UNC13A: variants seen among roughly 807,000 people sequenced by gnomAD.
UNC13A encodes protein unc-13 homolog A.
Under a neutral mutation model 219.7 loss-of-function variants are expected in UNC13A, and 61 were observed. The ratio of observed to expected loss-of-function variants is 0.28; its 90% CI spans 0.23 to 0.34. The LOEUF is 0.34. UNC13A is among the 10% of genes least tolerant of loss of function. UNC13A has a pLI of 1.00. For synonymous variants in UNC13A, 920 were observed against 884.6 expected (o/e 1.04, Z -0.71); for missense variants, 1,476 against 2,270.3 (o/e 0.65, Z 7.11).
chr19:17,606,377 T>A (rs1205725918), intron 43 of UNC13A, 23 bp from the exon 44 acceptor site: 4 of 1,537,690 alleles, frequency 2.6e-6, no homozygotes, highest in East Asian at 2.4e-5. Flanking sequence ...GGGCGGAACG[T>A]GAGACAGGCC....
At chr19:17,681,453 A>G (rs1260517309) in intron 1 of UNC13A, among the ~76,000 whole-genome samples, 4 of 152,140 alleles carry the variant, frequency 2.6e-5, no homozygotes, top group Admixed American at 2.0e-4. Context: ...TTAGGATAAA[A>G]GACCTCAGCT....
At chr19:17,628,196 C>T (rs1461944340) in intron 31 of UNC13A, 7 of 535,952 alleles carry the variant, frequency 1.3e-5, no homozygotes, top group Admixed American at 3.2e-5. Flanking sequence ...GTGGGGGGTC[C>T]ATGAGAGGGG....
intron 43 of UNC13A, 96 bp from the exon 44 acceptor site, chr19:17,606,450 C>A (rs1403976496): frequency 1.4e-6 from 2 of 1,453,368 alleles, no homozygotes; most frequent in East Asian, 2.6e-5. Context: ...CACGCCCACA[C>A]CGGGGTGCCC....
intron 28 of UNC13A, among the ~76,000 whole-genome samples, chr19:17,631,807 C>T (rs547786580): frequency 1.2e-4 from 19 of 152,306 alleles, no homozygotes; most frequent in Admixed American, 5.2e-4. Flanking sequence ...TGCAGTGACA[C>T]GATTTCCGCT....
At chr19:17,677,808 C>G (rs992570684) in intron 1 of UNC13A, among the ~76,000 whole-genome samples, 3 of 152,214 alleles carry the variant, frequency 2.0e-5, no homozygotes, top group African/African-American at 7.2e-5. Flanking sequence ...TCCATCCCAG[C>G]CCTTCATCTC....
chr19:17,630,544 C>T, intron 29 of UNC13A, 110 bp downstream of exon 29: 1 of 1,273,862 alleles, frequency 7.9e-7, no homozygotes, highest in Non-Finnish European at 1.1e-6. Flanking sequence ...ATGAGCAAGA[C>T]AAAGATGGCG....
At chr19:17,606,475 C>G in intron 43 of UNC13A, 121 bp from the exon 44 acceptor site, 1 of 1,319,512 alleles carries the variant, frequency 7.6e-7, no homozygotes, top group Non-Finnish European at 1.0e-6. Context: ...CTGTCACCTC[C>G]CACGCTACGC....
chr19:17,626,380 C>A, intron 34 of UNC13A: 1 of 452,534 alleles, frequency 2.2e-6, no homozygotes, highest in Non-Finnish European at 3.9e-6. Flanking sequence ...ATGCGTCCAC[C>A]CACCTACCCA....
intron 35 of UNC13A, among the ~76,000 whole-genome samples, chr19:17,624,188 G>A (rs1248779254): frequency 1.3e-5 from 2 of 149,434 alleles, no homozygotes; most frequent in African/African-American, 2.5e-5. Flanking sequence ...GTGCAGTGGC[G>A]CCATCTCAGC....
rs534905592 is a variant in UNC13A, at chr19:17,686,537, G to A, written c.22+1641C>T. 9.2e-5 allele frequency among the ~76,000 whole-genome samples: 14 copies of A among 152,058 alleles called. 1 individual carries two copies. The East Asian group carries it at 2.7e-3, about 30-fold the overall frequency. On this transcript the variant is annotated intron_variant, in intron 1 of 43. Coordinates refer to ENST00000519716, the MANE Select transcript of UNC13A (RefSeq NM_001080421.3). ...AAGTTCTCCTCCCATTCCGTCCTCA[G>A]GCCTAGGCGGTGGGGGTCGCCTAGG...
chr19:17,682,375 C>G (rs369025319), intron 1 of UNC13A, among the ~76,000 whole-genome samples: 218 of 152,310 alleles, frequency 1.4e-3, no homozygotes, highest in African/African-American at 4.9e-3. Context: ...GTGGATGCTA[C>G]TCCTGTGCCC....
chr19:17,650,378 G>A (rs747575894), intron 12 of UNC13A, among the ~76,000 whole-genome samples: 7 of 151,938 alleles, frequency 4.6e-5, no homozygotes, highest in Non-Finnish European at 8.8e-5. Flanking sequence ...GCCAGGCATG[G>A]TAGTGCATGC....
rs780762628 is a variant in UNC13A at position 17,641,485 on chromosome 19, A to G, written c.2544T>C (p.Asp848=). The G allele has an allele frequency of 3.1e-6, 5 of 1,613,980 alleles. No individual in the cohort carries two copies. In the African/African-American group the frequency reaches 4.0e-5, roughly 13 times the overall value. Residue 848 remains aspartate (D), a synonymous_variant, in exon 21 of 44, where the codon GAT becomes GAC. Transcript: ENST00000519716. ...VVKIPDAKGD[D]AWKVYYDETA... The stretch of plus-strand genomic sequence containing the variant: ...TCTCATCGTAGTAAACCTTCCAGGC[A>G]TCGTCACCCTTGGCATCTGGGATCT...
chr19:17,666,073 CTTCCTTTCCTTTCT>C lies in UNC13A; in HGVS notation c.523+563_523+576del, dbSNP rs1171944362. On this transcript the variant is annotated intron_variant, in intron 7 of 43. Transcript: ENST00000519716. The stretch of plus-strand genomic sequence containing the variant: ...TCTCAGAACTCTTCTCTTTCCTTTC[CTTCCTTTCCTTTCT>C]TTCCTTCCCTTCCTTTCTTTTCTTT... Among the ~76,000 whole-genome samples, 565 of 149,110 alleles carry C rather than the reference CTTCCTTTCCTTTCT, an allele frequency of 3.8e-3. 2 individuals are homozygous for C. Among genetic ancestry groups the C allele is most frequent in the Middle Eastern group, 0.014 (4 of 292 alleles).
rs1449827690 is a variant in UNC13A at position 17,603,081 on chromosome 19, G to A, written c.*2973C>T. ...GTGATGGGTTTTGAAGGACGAATAG[G>A]AGTTCTCTGGGGGAAAGAAAAGAGG... is the stretch of plus-strand genomic sequence containing the variant. On this transcript the variant is annotated 3_prime_UTR_variant, in exon 44 of 44. Coordinates refer to ENST00000519716, the MANE Select transcript of UNC13A (RefSeq NM_001080421.3). 8 of 152,206 alleles carry A rather than the reference G, an allele frequency of 5.3e-5. No homozygotes were observed. The highest frequency in any genetic ancestry group is 5.2e-4 in the Admixed American group (8 of 15,280). 9.4% of individuals were successfully genotyped at this position (152,206 alleles called of 1,614,324 possible). A position where few individuals can be genotyped will look rare whatever the true frequency, so the allele number is the denominator to read the frequency against.
At chr19:17,637,062 G>C (rs1031026653) in intron 25 of UNC13A, among the ~76,000 whole-genome samples, 3 of 148,454 alleles carry the variant, frequency 2.0e-5, no homozygotes, top group African/African-American at 7.5e-5. Context: ...CCATAGACTC[G>C]AACTCCTGGG....
rs1568507030 is a variant in UNC13A at position 17,623,534 on chromosome 19, C to G, written c.4203+8G>C. 6.8e-7 allele frequency: 1 copy of G among 1,472,408 alleles called. No individual in the cohort carries two copies. The highest frequency in any genetic ancestry group is 9.0e-7 in the Non-Finnish European group (1 of 1,106,034). 91.2% of individuals were successfully genotyped at this position (1,472,408 alleles called of 1,614,324 possible). Reference sequence around the variant, plus strand: ...GACAGACAGACGGACAGACGGGACTCTACTTACGATCATCTGTCATCCGTG... The same window carrying G: ...GACAGACAGACGGACAGACGGGACTGTACTTACGATCATCTGTCATCCGTG... On this transcript the variant is annotated splice_region_variant and intron_variant, in intron 36 of 43. Transcript: ENST00000519716.
At chr19:17,654,663 T>G (rs1241099528) in intron 11 of UNC13A, among the ~76,000 whole-genome samples, 1 of 152,120 alleles carries the variant, frequency 6.6e-6, no homozygotes, top group Admixed American at 6.5e-5. Context: ...TTGCTTCCCT[T>G]GATTCCTACT....
chr19:17,688,084 A>AC (rs564345622), intron 1 of UNC13A, 94 bp downstream of exon 1: 104 of 1,436,360 alleles, frequency 7.2e-5, no homozygotes, highest in East Asian at 6.2e-4. Flanking sequence ...GACTCGGGTC[A>AC]CCCCCCAGGA....
Sources: allele counts gnomAD v4.1 joint callset (sites outside exome capture counted in the v4.1 genomes callset), GRCh38; gene constraint gnomAD v4.1.1; transcripts MANE v1.5; gene names NCBI Gene and HGNC (gene_info 2026-07-23, HGNC 2026-07-21).